Variants in ZNF746 observed in about 807,000 individuals in gnomAD.
ZNF746 encodes zinc finger protein 746.
ZNF746 carries 13 observed loss-of-function variants against 41.0 expected under a neutral mutation model. The observed-to-expected ratio is 0.32, with a 90% CI of 0.21 to 0.50. The LOEUF (loss-of-function observed/expected upper bound fraction) is 0.50, where lower values mean the gene tolerates loss of function less well. Ranked by LOEUF, ZNF746 falls within the 20% of genes least tolerant of loss-of-function variation. The pLI, the probability that ZNF746 is intolerant of heterozygous loss-of-function variation, is 0.98. For missense variants in ZNF746, 811 were observed against 922.9 expected (o/e 0.88, Z 1.57); for synonymous variants, 424 against 396.2 (o/e 1.07, Z -0.83).
chr7:149,497,486 G>C lies in ZNF746; in HGVS notation c.24+27C>G. The C allele has an allele frequency of 8.2e-6, 9 of 1,092,974 alleles. No homozygotes were observed. Among genetic ancestry groups the C allele is most frequent in the Non-Finnish European group, 1.0e-5 (9 of 903,706 alleles). 67.7% of individuals were successfully genotyped at this position (1,092,974 alleles called of 1,614,324 possible). On this transcript the variant is annotated intron_variant, in intron 1 of 6. Transcript: ENST00000458143. This position sits in a 1 kb window ranked among gnomAD's most constrained non-coding sequence, Gnocchi z 4.2. ...GCCGCCTGGGGCCCCCAGGCCGCGA[G>C]TCCCTGCGCGCGCGGGTCGCCCTTA... is the stretch of plus-strand genomic sequence containing the variant.
At position 149,475,213 on chromosome 7, in the gene ZNF746, G is replaced by A. The variant is rs1433128641; in HGVS notation, c.1154C>T (p.Pro385Leu). 4 of 1,613,076 alleles carry A rather than the reference G, an allele frequency of 2.5e-6. No individual in the cohort carries two copies. Among genetic ancestry groups the A allele is most frequent in the Admixed American group, 1.7e-5 (1 of 60,016 alleles). ...SPAVAQEETP[P>L]GDWLFGGVRW... ...GACCCCTCCGAAGAGCCAGTCCCCA[G>A]GAGGGGTCTCCTCCTGGGCCACAGC... Residue 385 changes from proline to leucine, a missense_variant, in exon 7 of 7, where the codon CCT (proline) becomes CTT (leucine). Coordinates refer to ENST00000458143, the MANE Select transcript of ZNF746 (RefSeq NM_001394198.1).
At position 149,477,569 on chromosome 7, in the gene ZNF746, G is replaced by C. The variant is rs755760240; in HGVS notation, c.752C>G (p.Thr251Ser). ...SGAGDISTDA[T>S]SGVHSNFSTT... ...TCCCCGTCTCAGCCACTTACCAGAG[G>C]TGGCATCCGTGGAGATGTCTCCTGC... The change falls in exon 5 of 7, where the codon ACC (threonine) becomes AGC (serine). Residue 251 changes from threonine (T) to serine (S), a missense_variant. Physicochemically the swap from Thr to Ser is moderately conservative, Grantham distance 58. This residue lies in a region of ZNF746 where 495 missense variants were observed against 481.6 expected (regional missense o/e 1.03). Coordinates refer to ENST00000458143, the MANE Select transcript of ZNF746 (RefSeq NM_001394198.1). The C allele has an allele frequency of 6.2e-7, 1 of 1,604,016 alleles. No individual in the cohort carries two copies.
intron 4 of ZNF746, among the ~76,000 whole-genome samples, chr7:149,483,297 C>G (rs1585729282): frequency 6.6e-6 from 1 of 152,054 alleles, no homozygotes; most frequent in Non-Finnish European, 1.5e-5. Context: ...AATTTTATAG[C>G]CTTGTATGTT....
intron 4 of ZNF746, among the ~76,000 whole-genome samples, chr7:149,481,028 C>T (rs890423297): frequency 6.6e-6 from 1 of 152,136 alleles, no homozygotes; most frequent in East Asian, 1.9e-4. Context: ...AAATCCACAT[C>T]TAGACACATT....
At chr7:149,476,105 G>A (rs1028085912) in intron 6 of ZNF746, among the ~76,000 whole-genome samples, 1 of 152,132 alleles carries the variant, frequency 6.6e-6, no homozygotes, top group Non-Finnish European at 1.5e-5. Flanking sequence ...ATGAGGTCAG[G>A]AGATTGAGAC....
rs1395039926 is a variant in ZNF746 at position 149,497,130 on chromosome 7, G to A, written c.24+383C>T. The stretch of plus-strand genomic sequence containing the variant: ...GCCGGACACCTCCCAGGTGCCACCA[G>A]GCCGCTGCGGGGGAGATGGAGAGGG... On this transcript the variant is annotated intron_variant, in intron 1 of 6. Transcript: ENST00000458143. This position sits in a 1 kb window ranked among gnomAD's most constrained non-coding sequence, Gnocchi z 4.2. 2 of 985,280 alleles carry A rather than the reference G, an allele frequency of 2.0e-6. No individual in the cohort carries two copies. Among genetic ancestry groups the A allele is most frequent in the Non-Finnish European group, 2.4e-6 (2 of 829,924 alleles). 61.0% of individuals were successfully genotyped at this position (985,280 alleles called of 1,614,324 possible).
rs886800860 is a variant in ZNF746, at chr7:149,474,369, T to C, written c.*15A>G. The C allele has an allele frequency of 5.0e-6, 8 of 1,595,200 alleles. No individual in the cohort carries two copies. The highest frequency in any genetic ancestry group is 6.8e-6 in the Non-Finnish European group (8 of 1,171,474). On this transcript the variant is annotated 3_prime_UTR_variant, in exon 7 of 7. Coordinates refer to ENST00000458143, the MANE Select transcript of ZNF746 (RefSeq NM_001394198.1). This position sits in a 1 kb window ranked among gnomAD's most constrained non-coding sequence, Gnocchi z 6.3. The stretch of plus-strand genomic sequence containing the variant: ...TTACACGTGCGGCCGGCAGGGGCTA[T>C]GGGGCTGGAGGCGCTCACATGTCCC...
At position 149,477,031 on chromosome 7, in the gene ZNF746, A is replaced by G. The variant is rs200439444; in HGVS notation, c.774T>C (p.Phe258=). ...AGGAGGTGGGCGGGATGGTGGTGGA[A>G]AAGTTGGAATGGACACCTGCGGTAA... ...TDATSGVHSN[F]STTIPPTSWQ... is the part of the protein sequence containing the mutation. Residue 258 remains phenylalanine, a synonymous_variant, in exon 6 of 7, where the codon TTT becomes TTC. Coordinates refer to ENST00000458143, the MANE Select transcript of ZNF746 (RefSeq NM_001394198.1). 22 of 1,613,274 alleles carry G rather than the reference A, an allele frequency of 1.4e-5. No individual in the cohort carries two copies. In the Admixed American group the frequency reaches 3.2e-4, roughly 23 times the overall value.
chr7:149,493,972 T>C lies in ZNF746; in HGVS notation c.451+17A>G. The C allele has an allele frequency of 1.9e-6, 3 of 1,614,150 alleles. No individual in the cohort carries two copies. The highest frequency in any genetic ancestry group is 2.2e-5 in the South Asian group (2 of 91,084). ...TGCAAAATCCCATTTAACAGAGAAA[T>C]GAGTGTCAGGCCTTACCCAGGGAGA... On this transcript the variant is annotated intron_variant, in intron 3 of 6. Transcript: ENST00000458143.
chr7:149,483,409 T>C (rs6972751), intron 4 of ZNF746, among the ~76,000 whole-genome samples: 119,097 of 151,892 alleles, frequency 0.78, 47,758 homozygotes, highest in African/African-American at 0.95. Flanking sequence ...GAGATCGAGA[T>C]GATCCTGGCC....
chr7:149,479,492 G>T (rs1800421247), intron 4 of ZNF746, among the ~76,000 whole-genome samples: 1 of 152,036 alleles, frequency 6.6e-6, no homozygotes, highest in South Asian at 2.1e-4. Context: ...GATTCTAAAT[G>T]AAAGAATTAC....
rs1041996702 is a variant in ZNF746, at chr7:149,473,484, A to C, written c.*900T>G. ...AATGATCAAATGAGATGCATTTTGAAAATAAGAAACTACCACACAAAGTGA... is the reference window on the plus strand; with the variant it reads ...AATGATCAAATGAGATGCATTTTGACAATAAGAAACTACCACACAAAGTGA... On this transcript the variant is annotated 3_prime_UTR_variant, in exon 7 of 7. Coordinates refer to ENST00000458143, the MANE Select transcript of ZNF746 (RefSeq NM_001394198.1). 1 of 152,252 alleles carries C rather than the reference A, an allele frequency of 6.6e-6. No individual in the cohort carries two copies. Among genetic ancestry groups the C allele is most frequent in the African/African-American group, 2.4e-5 (1 of 41,472 alleles). 9.4% of individuals were successfully genotyped at this position (152,252 alleles called of 1,614,324 possible).
intron 4 of ZNF746, chr7:149,488,145 A>C (rs1800682630): frequency 6.6e-6 from 1 of 152,236 alleles, no homozygotes; most frequent in South Asian, 2.1e-4. Flanking sequence ...ATCAGTGGAG[A>C]AAAGCTAACA....
At chr7:149,480,432 T>TTTGC (rs1800451366) in intron 4 of ZNF746, among the ~76,000 whole-genome samples, 1 of 152,058 alleles carries the variant, frequency 6.6e-6, no homozygotes, top group Non-Finnish European at 1.5e-5. Context: ...GTTTTGTTTG[T>TTTGC]TTGTTTGTTT....
Position 149,493,901 on chromosome 7 carries a change from A to G in ZNF746, c.451+88T>C, listed in dbSNP as rs1172928186. Reference sequence around the variant, plus strand: ...CAACAATGTTTCTGGTGATTTATATAACACTGACATGAAAACAACTATGTG... The same window carrying G: ...CAACAATGTTTCTGGTGATTTATATGACACTGACATGAAAACAACTATGTG... On this transcript the variant is annotated intron_variant, in intron 3 of 6. Coordinates refer to ENST00000458143, the MANE Select transcript of ZNF746 (RefSeq NM_001394198.1). 2.3e-5 allele frequency: 37 copies of G among 1,602,726 alleles called. 1 individual carries two copies. In the East Asian group the frequency reaches 8.3e-4, roughly 36 times the overall value.
In ZNF746 at chr7:149,494,460, C is replaced by T. The variant is rs778873412; in HGVS notation, c.68G>A (p.Arg23Lys). ...GCGAGCAGCCTGCGATTCAATCTTC[C>T]TCTCCATGGCCTGAATCGTGGCTGC... ...TMAATIQAME[R>K]KIESQAARLL... is the part of the protein sequence containing the mutation. Residue 23 changes from arginine (R) to lysine (K), a missense_variant, in exon 2 of 7, where the codon AGG (arginine) becomes AAG (lysine). Around this residue, in one of 4 missense-constraint regions of ZNF746, gnomAD observed 147 missense variants for 233.4 expected, o/e 0.63. Coordinates refer to ENST00000458143, the MANE Select transcript of ZNF746 (RefSeq NM_001394198.1). This position sits in a 1 kb window ranked among gnomAD's most constrained non-coding sequence, Gnocchi z 5.6. 9 of 1,613,996 alleles carry T rather than the reference C, an allele frequency of 5.6e-6. No individual in the cohort carries two copies. Among genetic ancestry groups the T allele is most frequent in the South Asian group, 2.2e-5 (2 of 91,080 alleles).
chr7:149,489,006 C>T (rs2116475344), intron 4 of ZNF746: 1 of 152,232 alleles, frequency 6.6e-6, no homozygotes, highest in African/African-American at 2.4e-5. Flanking sequence ...TGAACTTGAT[C>T]TACATGTATC....
At chr7:149,496,728 G>T in intron 1 of ZNF746, 1 of 741,992 alleles carries the variant, frequency 1.3e-6, no homozygotes, top group Non-Finnish European at 1.6e-6. Flanking sequence ...AGGAGGGGTG[G>T]ACAGCGGTAC....
At chr7:149,495,668 G>A (rs1800972772) in intron 1 of ZNF746, among the ~76,000 whole-genome samples, 1 of 152,228 alleles carries the variant, frequency 6.6e-6, no homozygotes, top group African/African-American at 2.4e-5. Flanking sequence ...GTAGCTACTA[G>A]AAACCAGTGT....
Sources: gnomAD v4.1 joint callset for allele counts (sites outside exome capture counted in the v4.1 genomes callset) on GRCh38, gnomAD v4.1.1 for gene constraint, gnomAD v4.1.1 regional missense constraint, Gnocchi (gnomAD v3.1) non-coding constraint, MANE v1.5 for transcripts, NCBI Gene and HGNC (gene_info 2026-07-23, HGNC 2026-07-21) for gene names.